DIAPH1: variants seen among roughly 807,000 people sequenced by gnomAD.
The protein encoded by DIAPH1 is protein diaphanous homolog 1.
In DIAPH1, 46 loss-of-function variants were observed where a neutral mutation model predicts 140.7. The ratio of observed to expected loss-of-function variants is 0.33; its 90% CI spans 0.26 to 0.42. DIAPH1 has a LOEUF of 0.42. Ranked by LOEUF, DIAPH1 falls within the 10% of genes least tolerant of loss-of-function variation. The pLI is 1.00. For synonymous variants in DIAPH1, 565 were observed against 551.6 expected, an observed-to-expected ratio of 1.02 and a Z score of -0.34; for missense variants, 1,310 against 1,558.7, an observed-to-expected ratio of 0.84 and a Z score of 2.69.
chr5:141,610,542 G>A (rs1374113053), intron 1 of DIAPH1, among the ~76,000 whole-genome samples: 2 of 151,812 alleles, frequency 1.3e-5, no homozygotes, highest in Non-Finnish European at 2.9e-5. Context: ...CTCGTGATCC[G>A]CCCACCCTGA....
At chr5:141,574,259 C>G (rs762654840) in intron 15 of DIAPH1, 51 bp from the exon 16 acceptor site, 1 of 1,585,726 alleles carries the variant, frequency 6.3e-7, no homozygotes, top group Non-Finnish European at 8.7e-7. Context: ...TCAGGGACTA[C>G]TGGGACTGGA....
chr5:141,579,048 G>C, intron 9 of DIAPH1, 40 bp downstream of exon 9: 1 of 1,431,398 alleles, frequency 7.0e-7, no homozygotes, highest in Non-Finnish European at 9.9e-7. Flanking sequence ...TGTCCATCTT[G>C]AATTCTATTC....
chr5:141,598,704 AC>A (rs1417455159), intron 1 of DIAPH1, among the ~76,000 whole-genome samples: 1 of 152,144 alleles, frequency 6.6e-6, no homozygotes, highest in Non-Finnish European at 1.5e-5. Context: ...AACAACAACA[AC>A]AAAAAAGTCA....
intron 1 of DIAPH1, among the ~76,000 whole-genome samples, chr5:141,605,218 T>C (rs1194968060): frequency 6.6e-6 from 1 of 152,152 alleles, no homozygotes; most frequent in African/African-American, 2.4e-5. Flanking sequence ...CAAATTAAGG[T>C]GGCAATTTTC....
intron 2 of DIAPH1, chr5:141,587,594 G>A (rs1286834942): frequency 1.5e-5 from 4 of 264,896 alleles, no homozygotes; most frequent in African/African-American, 6.7e-5. Context: ...TAGGACCCCA[G>A]AGGATGTCTC....
intron 27 of DIAPH1, chr5:141,518,775 G>T (rs367845526): frequency 1.5e-5 from 10 of 678,766 alleles, no homozygotes; most frequent in African/African-American, 1.2e-4. Flanking sequence ...CTCCCACCTT[G>T]GAACCTAAAG....
intron 18 of DIAPH1, among the ~76,000 whole-genome samples, chr5:141,570,689 A>G (rs2099895051): frequency 6.6e-6 from 1 of 152,088 alleles, no homozygotes; most frequent in Admixed American, 6.5e-5. Flanking sequence ...CTTAATTTTC[A>G]TCACTAGGGT....
chr5:141,526,793 T>A (rs2099887397), intron 24 of DIAPH1, among the ~76,000 whole-genome samples: 1 of 151,976 alleles, frequency 6.6e-6, no homozygotes, highest in Non-Finnish European at 1.5e-5. Flanking sequence ...ACCTCCTGGG[T>A]TCAAGCAATT....
rs577980837 is a variant in DIAPH1 at position 141,584,390 on chromosome 5, T to C, written c.301-165A>G. 2.3e-4 allele frequency among the ~76,000 whole-genome samples: 35 copies of C among 152,338 alleles called. No homozygotes were observed. In the East Asian group the frequency reaches 6.0e-3, roughly 26 times the overall value. Reference sequence around the variant, plus strand: ...TTTAAGCTATTACAGCTGATGAAAATTCCTCAAAGATAAGTATAGTTAACA... The same window carrying C: ...TTTAAGCTATTACAGCTGATGAAAACTCCTCAAAGATAAGTATAGTTAACA... On this transcript the variant is annotated intron_variant, in intron 3 of 27. Coordinates refer to ENST00000389054, the MANE Select transcript of DIAPH1 (RefSeq NM_005219.5).
chr5:141,603,068 C>T (rs2099900411), intron 1 of DIAPH1, among the ~76,000 whole-genome samples: 1 of 152,130 alleles, frequency 6.6e-6, no homozygotes, highest in Non-Finnish European at 1.5e-5. Flanking sequence ...AAAATATAAA[C>T]TATAAACCTA....
chr5:141,609,372 T>C (rs1596411552), intron 1 of DIAPH1, among the ~76,000 whole-genome samples: 1 of 152,188 alleles, frequency 6.6e-6, no homozygotes, highest in Non-Finnish European at 1.5e-5. Context: ...AGTTTTACAC[T>C]GCAGGCACAA....
Position 141,517,731 on chromosome 5 carries a change from T to C in DIAPH1, c.3662-723A>G, listed in dbSNP as rs116655178. Among the ~76,000 whole-genome samples, 1,387 of 152,168 alleles carry C rather than the reference T, an allele frequency of 9.1e-3. 23 individuals are homozygous for C. Among genetic ancestry groups the C allele is most frequent in the African/African-American group, 0.03 (1,262 of 41,494 alleles). On this transcript the variant is annotated intron_variant, in intron 27 of 27. Transcript: ENST00000389054. The stretch of plus-strand genomic sequence containing the variant: ...CAGGGAAGCAGAACTGGGATAAAGA[T>C]GGACAGGAGAGGACCCCTACCAAGA...
intron 1 of DIAPH1, among the ~76,000 whole-genome samples, chr5:141,610,642 ACAGGCTGGTCTCTTGGC>A (rs1468871605): frequency 1.3e-5 from 2 of 151,810 alleles, no homozygotes; most frequent in African/African-American, 2.4e-5. Flanking sequence ...ACCACATTGG[ACAGGCTGGTCTCTTGGC>A]CAGGCTGGTC....
intron 1 of DIAPH1, among the ~76,000 whole-genome samples, chr5:141,597,638 G>T (rs1002578052): frequency 1.2e-4 from 18 of 152,170 alleles, no homozygotes; most frequent in African/African-American, 4.1e-4. Flanking sequence ...TATGTGCCAG[G>T]TACAGAGAAC....
chr5:141,587,674 G>A (rs2099897742), intron 2 of DIAPH1, among the ~76,000 whole-genome samples: 1 of 152,172 alleles, frequency 6.6e-6, no homozygotes, highest in Non-Finnish European at 1.5e-5. Context: ...CTTAAAGTCA[G>A]GATTCATTCC....
Position 141,516,846 on chromosome 5 carries a change from C to A in DIAPH1, c.*5G>T, listed in dbSNP as rs368263785. On this transcript the variant is annotated 3_prime_UTR_variant, in exon 28 of 28. Transcript: ENST00000389054. ...TGAGGAGCTGCCGCGGTCACAGGAC[C>A]CACATTAGCTTGCACGGCCAACCAA... is the stretch of plus-strand genomic sequence containing the variant. 9.3e-5 allele frequency: 150 copies of A among 1,614,026 alleles called. No homozygotes were observed. The African/African-American group carries it at 1.8e-3, about 19-fold the overall frequency.
In DIAPH1 at chr5:141,518,926, A is replaced by C. The variant is rs546810114; in HGVS notation, c.3662-1918T>G. 1.7e-5 allele frequency: 26 copies of C among 1,550,378 alleles called. No homozygotes were observed. The East Asian group carries it at 4.9e-4, about 29-fold the overall frequency. Reference sequence around the variant, plus strand: ...CCCATAGATCAAGCAGGGAACACGCAGCATGCACACAGGTTACCAATTTAA... The same window carrying C: ...CCCATAGATCAAGCAGGGAACACGCCGCATGCACACAGGTTACCAATTTAA... On this transcript the variant is annotated intron_variant, in intron 27 of 27. Coordinates refer to ENST00000389054, the MANE Select transcript of DIAPH1 (RefSeq NM_005219.5).
At position 141,516,822 on chromosome 5, in the gene DIAPH1, G is replaced by A. The variant is rs747267088; in HGVS notation, c.*29C>T. The A allele has an allele frequency of 1.2e-6, 2 of 1,613,282 alleles. No homozygotes were observed. Among genetic ancestry groups the A allele is most frequent in the Non-Finnish European group, 1.7e-6 (2 of 1,179,900 alleles). ...GGGCAGGACAGTCTGCGGCTCCGCT[G>A]AGGAGCTGCCGCGGTCACAGGACCC... is the stretch of plus-strand genomic sequence containing the variant. On this transcript the variant is annotated 3_prime_UTR_variant, in exon 28 of 28. Coordinates refer to ENST00000389054, the MANE Select transcript of DIAPH1 (RefSeq NM_005219.5).
intron 14 of DIAPH1, among the ~76,000 whole-genome samples, chr5:141,575,667 A>C (rs918451468): frequency 6.6e-6 from 1 of 152,104 alleles, no homozygotes; most frequent in Admixed American, 6.5e-5. Context: ...AACAAATAAA[A>C]ATAAAAATGA....
Sources: gnomAD v4.1 joint callset for allele counts (sites outside exome capture counted in the v4.1 genomes callset) on GRCh38, gnomAD v4.1.1 for gene constraint, MANE v1.5 for transcripts, NCBI Gene and HGNC (gene_info 2026-07-23, HGNC 2026-07-21) for gene names.